The following PNKD variants were observed in gnomAD, a reference collection of about 807,000 sequenced individuals.
PNKD encodes probable thioesterase PNKD.
PNKD carries 36 observed loss-of-function variants against 45.3 expected under a neutral mutation model. That is an observed-to-expected ratio of 0.80 (90% CI 0.61 to 1.05). The LOEUF (loss-of-function observed/expected upper bound fraction) is 1.05, where lower values mean the gene tolerates loss of function less well. Ranked by LOEUF, PNKD falls within the 50% of genes least tolerant of loss-of-function variation. The probability of loss-of-function intolerance (pLI) is 0.00; values close to 1 mark genes in which losing one functional copy is unlikely to be tolerated. For synonymous variants in PNKD, 197 were observed against 210.1 expected (o/e 0.94, Z 0.54); for missense variants, 511 against 506.6 (o/e 1.01, Z -0.08).
At chr2:218,301,456 C>T (rs1208485757) in intron 2 of PNKD, among the ~76,000 whole-genome samples, 1 of 152,148 alleles carries the variant, frequency 6.6e-6, no homozygotes, top group African/African-American at 2.4e-5. Context: ...GACATGACCA[C>T]TAGGGGGCAG....
rs763613366 is a variant in PNKD at position 218,279,387 on chromosome 2, C to T, written c.236+7838C>T. 123 of 1,525,766 alleles carry T rather than the reference C, an allele frequency of 8.1e-5. 1 individual carries two copies. The East Asian group carries it at 2.4e-3, about 30-fold the overall frequency. 94.5% of individuals were successfully genotyped at this position (1,525,766 alleles called of 1,614,324 possible). A position where few individuals can be genotyped will look rare whatever the true frequency, so the allele number is the denominator to read the frequency against. On this transcript the variant is annotated intron_variant, in intron 2 of 9. Transcript: ENST00000273077. ...AGACGGCCGGGCATGGGTCACCATC[C>T]GGCACCCCTGGCCTGCCCCAGGAAG...
intron 2 of PNKD, among the ~76,000 whole-genome samples, chr2:218,301,566 G>C (rs6758879): frequency 1 from 151,764 of 152,268 alleles, 75,633 homozygotes; most frequent in East Asian, 1. Flanking sequence ...GCAGAAGCAT[G>C]GCTTGAGCCC....
Position 218,310,627 on chromosome 2 carries a change from T to C in PNKD, c.237-29156T>C, listed in dbSNP as rs1217032657. 5.1e-5 allele frequency among the ~76,000 whole-genome samples: 6 copies of C among 118,616 alleles called. No homozygotes were observed. In the East Asian group the frequency reaches 1.3e-3, roughly 25 times the overall value. The allele number at this position is 118,616 out of a possible 152,430, so 77.8% of individuals were successfully genotyped here. ...TTTTTTTTGAGGTGGAGTCTCCCCC[T>C]GTCACCCGGGCTGGAGTACAGTGGC... On this transcript the variant is annotated intron_variant, in intron 2 of 9. Coordinates refer to ENST00000273077, the MANE Select transcript of PNKD (RefSeq NM_015488.5).
At chr2:218,311,613 A>C (rs2106261278) in intron 2 of PNKD, among the ~76,000 whole-genome samples, 1 of 152,308 alleles carries the variant, frequency 6.6e-6, no homozygotes, top group South Asian at 2.1e-4. Flanking sequence ...AGAGCGACAG[A>C]GCAGTATTGC....
rs1574720705 is a variant in PNKD, at chr2:218,342,085, A to G, written c.722A>G (p.Glu241Gly). The G allele has an allele frequency of 6.2e-7, 1 of 1,613,328 alleles. No individual in the cohort carries two copies. ...CATCTGGTCTACCTACTGGATGGGG[A>G]GCCCTACAAGGGTCCCTCCTGCCTC... ...QGHLVYLLDG[E>G]PYKGPSCLFS... Residue 241 changes from glutamate (E) to glycine (G), a missense_variant, in exon 7 of 10, where the codon GAG becomes GGG. By Grantham distance (98) the Glu-to-Gly change is moderately conservative. Transcript: ENST00000273077.
In PNKD at chr2:218,346,171, G is replaced by A. The variant is rs533607234; in HGVS notation, c.*1190G>A. 6.6e-6 allele frequency: 1 copy of A among 152,498 alleles called. No homozygotes were observed. The highest frequency in any genetic ancestry group is 1.5e-5 in the Non-Finnish European group (1 of 68,148). The allele number at this position is 152,498 out of a possible 1,614,324, so 9.4% of individuals were successfully genotyped here. On this transcript the variant is annotated 3_prime_UTR_variant, in exon 10 of 10. Coordinates refer to ENST00000273077, the MANE Select transcript of PNKD (RefSeq NM_015488.5). ...CAGCTCTGCTGCTCCTCTACTCTTG[G>A]GTCGAGATCCCTTTGGAGCCACAGC... is the stretch of plus-strand genomic sequence containing the variant.
chr2:218,322,576 C>G (rs541730993), intron 2 of PNKD, among the ~76,000 whole-genome samples: 1 of 152,194 alleles, frequency 6.6e-6, no homozygotes, highest in Non-Finnish European at 1.5e-5. Context: ...TTATGTCGTC[C>G]GCTGGGGAGG....
At chr2:218,315,116 C>CTTT (rs1559521433) in intron 2 of PNKD, among the ~76,000 whole-genome samples, 8 of 130,430 alleles carry the variant, frequency 6.1e-5, no homozygotes, top group African/African-American at 2.4e-4. Context: ...TTCCTTCCTT[C>CTTT]CTTCCTTTCT....
rs192576306 is a variant in PNKD at position 218,301,477 on chromosome 2, G to A, written c.236+29928G>A. ...ACCACTAGGGGGCAGAGTCTGACTA[G>A]CACTGTTTGGCTAGAAAAAGGGAGC... On this transcript the variant is annotated intron_variant, in intron 2 of 9. Coordinates refer to ENST00000273077, the MANE Select transcript of PNKD (RefSeq NM_015488.5). Among the ~76,000 whole-genome samples, 9 of 152,298 alleles carry A rather than the reference G, an allele frequency of 5.9e-5. No homozygotes were observed. The East Asian group carries it at 1.5e-3, about 26-fold the overall frequency.
At chr2:218,278,658 T>G (rs752294652) in intron 2 of PNKD, 14 of 1,400,388 alleles carry the variant, frequency 1.0e-5, no homozygotes, top group Middle Eastern at 1.8e-4. Context: ...CAAATAGCCG[T>G]TTGGAAGTCT....
chr2:218,324,992 A>ATTTTT (rs1559525909), intron 2 of PNKD, among the ~76,000 whole-genome samples: 1 of 111,348 alleles, frequency 9.0e-6, no homozygotes, highest in African/African-American at 3.8e-5. Context: ...TATCTAAATA[A>ATTTTT]TTTTCTTTTT....
intron 2 of PNKD, 72 bp from the exon 3 acceptor site, chr2:218,339,711 G>C: frequency 1.2e-6 from 1 of 865,354 alleles, no homozygotes; most frequent in East Asian, 2.5e-5. Flanking sequence ...TGTGGGGCCT[G>C]CAGGCATCAC....
chr2:218,271,077 T>C (rs1690810510), intron 1 of PNKD: 3 of 514,884 alleles, frequency 5.8e-6, no homozygotes, highest in African/African-American at 3.8e-5. Flanking sequence ...ATTTCCTTCA[T>C]ACGTCTTATG....
intron 2 of PNKD, chr2:218,278,305 G>T (rs1314587075): frequency 1.6e-6 from 1 of 620,254 alleles, no homozygotes; most frequent in African/African-American, 1.8e-5. Flanking sequence ...TACCTGTCTT[G>T]CAGGGTTACT....
intron 2 of PNKD, among the ~76,000 whole-genome samples, chr2:218,324,883 C>T (rs1229223494): frequency 6.7e-6 from 1 of 150,018 alleles, no homozygotes; most frequent in African/African-American, 2.5e-5. Flanking sequence ...TGCAGTAAGC[C>T]GAGATCGCAG....
Position 218,326,545 on chromosome 2 carries a change from A to G in PNKD, c.237-13238A>G, listed in dbSNP as rs1249381700. Reference sequence around the variant, plus strand: ...GTGGGGTTGGGGATGCCTACCTCATAGGGCTCCTGTGAAGATCAAATGAAA... The same window carrying G: ...GTGGGGTTGGGGATGCCTACCTCATGGGGCTCCTGTGAAGATCAAATGAAA... On this transcript the variant is annotated intron_variant, in intron 2 of 9. Coordinates refer to ENST00000273077, the MANE Select transcript of PNKD (RefSeq NM_015488.5). This position sits in a 1 kb window ranked among gnomAD's most constrained non-coding sequence, Gnocchi z 4.1. Among the ~76,000 whole-genome samples the G allele has an allele frequency of 1.3e-5, 2 of 152,162 alleles. No individual in the cohort carries two copies. The highest frequency in any genetic ancestry group is 2.9e-5 in the Non-Finnish European group (2 of 68,038).
chr2:218,286,580 G>A (rs1337903378), intron 2 of PNKD: 2 of 152,212 alleles, frequency 1.3e-5, no homozygotes, highest in Non-Finnish European at 1.5e-5. Flanking sequence ...CAGACAGCAG[G>A]ACTTGCTGGG....
intron 2 of PNKD, among the ~76,000 whole-genome samples, chr2:218,291,171 A>T (rs548612322): frequency 6.6e-6 from 1 of 152,236 alleles, no homozygotes; most frequent in Admixed American, 6.5e-5. Flanking sequence ...ATAACCCATC[A>T]TTACCTCTCT....
chr2:218,340,007 C>A lies in PNKD; in HGVS notation c.353-22C>A. The A allele has an allele frequency of 6.4e-7, 1 of 1,558,670 alleles. No homozygotes were observed. The highest frequency in any genetic ancestry group is 8.9e-7 in the Non-Finnish European group (1 of 1,129,434). On this transcript the variant is annotated intron_variant, in intron 3 of 9. Transcript: ENST00000273077. The surrounding 1 kb of genome is among the most constrained non-coding windows in gnomAD (Gnocchi z 4.2). ...TGGGCTCCCTGCCTGTTACCCCGCCCACAGCCCATCTCTGTCCCCAGGAGT... is the reference window on the plus strand; with the variant it reads ...TGGGCTCCCTGCCTGTTACCCCGCCAACAGCCCATCTCTGTCCCCAGGAGT...
Sources: gnomAD v4.1 joint callset for allele counts (sites outside exome capture counted in the v4.1 genomes callset) on GRCh38, gnomAD v4.1.1 for gene constraint, Gnocchi (gnomAD v3.1) non-coding constraint, MANE v1.5 for transcripts, NCBI Gene and HGNC (gene_info 2026-07-23, HGNC 2026-07-21) for gene names.